The following GPC6 variants were observed in gnomAD, a reference collection of about 807,000 sequenced individuals.
GPC6 encodes glypican 6, also known as glypican-6.
GPC6 carries 14 observed loss-of-function variants against 55.2 expected under a neutral mutation model. That is an observed-to-expected ratio of 0.25 (90% confidence interval 0.17 to 0.40). GPC6 has a LOEUF of 0.40. Ranked by LOEUF, GPC6 falls within the 10% of genes least tolerant of loss-of-function variation. The pLI is 1.00. For missense variants in GPC6, 641 were observed against 708.5 expected, an observed-to-expected ratio of 0.90 and a Z score of 1.08; for synonymous variants, 278 against 259.6, an observed-to-expected ratio of 1.07 and a Z score of -0.68.
At chr13:93,585,554 A>C (rs9584140) in intron 2 of GPC6, among the ~76,000 whole-genome samples, 17,405 of 152,148 alleles carry the variant, frequency 0.11, 2,227 homozygotes, top group African/African-American at 0.31. Flanking sequence ...GTAAACTTTG[A>C]TTTTAGCTTT....
At chr13:93,932,387 C>G (rs1421071553) in intron 3 of GPC6, among the ~76,000 whole-genome samples, 1 of 152,046 alleles carries the variant, frequency 6.6e-6, no homozygotes. Context: ...AATCGCTATT[C>G]TAGATTGATG....
intron 1 of GPC6, among the ~76,000 whole-genome samples, chr13:93,313,844 T>C (rs981900002): frequency 4.6e-5 from 7 of 152,082 alleles, no homozygotes; most frequent in Admixed American, 4.6e-4. Context: ...AAATTTTATC[T>C]TCTAAAGATT....
chr13:94,035,058 A>C (rs1883287743), intron 4 of GPC6, among the ~76,000 whole-genome samples: 1 of 151,916 alleles, frequency 6.6e-6, no homozygotes, highest in African/African-American at 2.4e-5. Context: ...AAACTATTCA[A>C]GGTAGTTAGA....
intron 4 of GPC6, among the ~76,000 whole-genome samples, chr13:94,175,013 ATC>A (rs1444723685): frequency 6.6e-6 from 1 of 152,146 alleles, no homozygotes; most frequent in Non-Finnish European, 1.5e-5. Context: ...CTTGGTGTGT[ATC>A]TCCCAAATAT....
chr13:93,488,139 GC>G (rs974590724), intron 1 of GPC6, among the ~76,000 whole-genome samples: 38 of 152,038 alleles, frequency 2.5e-4, no homozygotes, highest in Admixed American at 5.9e-4. Flanking sequence ...CCCACAACAG[GC>G]CCCGGTGTGT....
At chr13:94,279,204 A>G (rs887183061) in intron 4 of GPC6, among the ~76,000 whole-genome samples, 1 of 151,612 alleles carries the variant, frequency 6.6e-6, no homozygotes, top group Non-Finnish European at 1.5e-5. Context: ...TTTCTTTTAT[A>G]TTTTCTAATT....
chr13:93,515,107 C>G (rs1881136110), intron 1 of GPC6, among the ~76,000 whole-genome samples: 1 of 152,098 alleles, frequency 6.6e-6, no homozygotes, highest in Non-Finnish European at 1.5e-5. Context: ...CTTGCTATCT[C>G]CACTGCCTGT....
chr13:93,535,152 A>C (rs1882005691), intron 1 of GPC6, among the ~76,000 whole-genome samples: 1 of 152,066 alleles, frequency 6.6e-6, no homozygotes, highest in Non-Finnish European at 1.5e-5. Flanking sequence ...AGTTGAGCTA[A>C]GTGTTGTGTC....
At chr13:93,300,647 C>CA (rs11386516) in intron 1 of GPC6, among the ~76,000 whole-genome samples, 43,435 of 99,192 alleles carry the variant, frequency 0.44, 8,216 homozygotes, top group East Asian at 0.69. Flanking sequence ...GACTCTGTCT[C>CA]AAAAAAAAAA....
intron 2 of GPC6, among the ~76,000 whole-genome samples, chr13:93,653,257 T>C (rs566144426): frequency 2.6e-5 from 4 of 152,322 alleles, no homozygotes; most frequent in Non-Finnish European, 2.9e-5. Flanking sequence ...TGTATGTCTA[T>C]GGAATCCTAG....
intron 2 of GPC6, among the ~76,000 whole-genome samples, chr13:93,786,792 A>G (rs899009345): frequency 1.3e-5 from 2 of 152,168 alleles, no homozygotes; most frequent in African/African-American, 4.8e-5. Flanking sequence ...AGAAGAGGTT[A>G]ATAAAGACTA....
At chr13:93,544,775 A>G (rs1179118680) in intron 1 of GPC6, among the ~76,000 whole-genome samples, 2 of 152,220 alleles carry the variant, frequency 1.3e-5, no homozygotes, top group Admixed American at 1.3e-4. Flanking sequence ...CATTAAAAAC[A>G]CACTCACTTG....
At chr13:94,171,674 C>T (rs923506761) in intron 4 of GPC6, among the ~76,000 whole-genome samples, 1 of 152,170 alleles carries the variant, frequency 6.6e-6, no homozygotes, top group African/African-American at 2.4e-5. Flanking sequence ...TTGTCCTTTC[C>T]CTGCATTTTA....
At chr13:93,879,355 C>T (rs1460044680) in intron 3 of GPC6, among the ~76,000 whole-genome samples, 1 of 152,036 alleles carries the variant, frequency 6.6e-6, no homozygotes, top group Non-Finnish European at 1.5e-5. Context: ...GGTACTGGTA[C>T]CAAAACAGAG....
At chr13:94,161,978 G>C (rs1381410184) in intron 4 of GPC6, among the ~76,000 whole-genome samples, 1 of 152,120 alleles carries the variant, frequency 6.6e-6, no homozygotes, top group African/African-American at 2.4e-5. Flanking sequence ...AAAACCGTCA[G>C]ATCTCATAAG....
At chr13:94,250,477 A>G (rs1208840408) in intron 4 of GPC6, among the ~76,000 whole-genome samples, 1 of 152,210 alleles carries the variant, frequency 6.6e-6, no homozygotes, top group Non-Finnish European at 1.5e-5. Context: ...CTTATCTGAA[A>G]TTATGCTCAC....
At chr13:93,229,786 C>T (rs1875946691) in intron 1 of GPC6, among the ~76,000 whole-genome samples, 1 of 151,714 alleles carries the variant, frequency 6.6e-6, no homozygotes, top group South Asian at 2.1e-4. Flanking sequence ...AGCCTTGTGT[C>T]CTTTGATGCT....
intron 3 of GPC6, among the ~76,000 whole-genome samples, chr13:94,001,142 T>C (rs746411241): frequency 9.9e-5 from 15 of 152,190 alleles, no homozygotes; most frequent in Non-Finnish European, 1.9e-4. Flanking sequence ...AGCAAACATT[T>C]ATTGAACACC....
chr13:93,486,837 T>G (rs761284920), intron 1 of GPC6, among the ~76,000 whole-genome samples: 1 of 151,496 alleles, frequency 6.6e-6, no homozygotes, highest in Non-Finnish European at 1.5e-5. Context: ...CCCAGCTATT[T>G]GGGAGCCTGA....
Sources: gnomAD v4.1 joint callset for allele counts (sites outside exome capture counted in the v4.1 genomes callset) on GRCh38, gnomAD v4.1.1 for gene constraint, MANE v1.5 for transcripts, NCBI Gene and HGNC (gene_info 2026-07-23, HGNC 2026-07-21) for gene names.